RGPD6: variants seen among roughly 807,000 people sequenced by gnomAD.
RGPD6 encodes the protein RANBP2 like and GRIP domain containing 6, also known as RANBP2-like and GRIP domain-containing protein 5/6.
chr2:110,606,503 T>G, the RGPD6 span, among the ~76,000 whole-genome samples: 2 of 100,326 alleles, frequency 2.0e-5, no homozygotes, highest in East Asian at 4.8e-4. Flanking sequence ...TACTGTTGTA[T>G]GTTGATAGAC....
chr2:110,608,506 TA>T, the RGPD6 span, among the ~76,000 whole-genome samples: 1 of 140,798 alleles, frequency 7.1e-6, no homozygotes, highest in Admixed American at 7.1e-5. Context: ...AAAATTTACG[TA>T]AACCATAAAA....
chr2:110,591,633 AC>A, the RGPD6 span, among the ~76,000 whole-genome samples: 1 of 151,478 alleles, frequency 6.6e-6, no homozygotes, highest in Non-Finnish European at 1.5e-5. Context: ...ACCTAACTGC[AC>A]CCCTGTCCCC....
the RGPD6 span, among the ~76,000 whole-genome samples, chr2:110,594,030 T>C: frequency 3.4e-4 from 47 of 137,710 alleles, no homozygotes; most frequent in South Asian, 9.9e-3. Context: ...CAGTGATATA[T>C]AAAAGGATTA....
the RGPD6 span, among the ~76,000 whole-genome samples, chr2:110,606,914 T>C: frequency 6.6e-6 from 1 of 151,740 alleles, no homozygotes; most frequent in Non-Finnish European, 1.5e-5. Flanking sequence ...TTCATGTGTG[T>C]TCTTGTCTTA....
the RGPD6 span, among the ~76,000 whole-genome samples, chr2:110,594,045 C>A: frequency 5.8e-5 from 8 of 138,838 alleles, no homozygotes; most frequent in African/African-American, 2.4e-4. Context: ...GGATTATATA[C>A]CATAACCAAG....
At chr2:110,593,329 C>T in the RGPD6 span, among the ~76,000 whole-genome samples, 1 of 147,466 alleles carries the variant, frequency 6.8e-6, no homozygotes, top group African/African-American at 2.6e-5. Flanking sequence ...TGATGTCTGG[C>T]CAAGAAAGTA....
At chr2:110,599,807 C>T in the RGPD6 span, among the ~76,000 whole-genome samples, 1 of 96,862 alleles carries the variant, frequency 1.0e-5, no homozygotes, top group Admixed American at 1.0e-4. Context: ...ACCAACATAC[C>T]CTACTTCCTT....
the RGPD6 span, among the ~76,000 whole-genome samples, chr2:110,607,361 C>A: frequency 6.6e-6 from 1 of 150,994 alleles, no homozygotes; most frequent in Admixed American, 6.6e-5. Context: ...GAAATTAGGG[C>A]CATCCTTTTC....
At chr2:110,605,981 TG>T in the RGPD6 span, among the ~76,000 whole-genome samples, 1 of 151,786 alleles carries the variant, frequency 6.6e-6, no homozygotes, top group East Asian at 1.9e-4. Flanking sequence ...CAGGTATTTA[TG>T]GGTATGGCTT....
the RGPD6 span, among the ~76,000 whole-genome samples, chr2:110,605,717 T>A: frequency 6.6e-6 from 1 of 151,352 alleles, no homozygotes; most frequent in East Asian, 1.9e-4. Flanking sequence ...CTGGGCAGCA[T>A]CCTTAGGGAG....
chr2:110,596,778 T>C, the RGPD6 span, among the ~76,000 whole-genome samples: 2 of 136,036 alleles, frequency 1.5e-5, no homozygotes, highest in African/African-American at 2.8e-5. Flanking sequence ...GAAGCCTGTT[T>C]AATTAGAATT....
the RGPD6 span, among the ~76,000 whole-genome samples, chr2:110,607,040 T>C: frequency 6.6e-6 from 1 of 151,354 alleles, no homozygotes. Context: ...TAAATATTTG[T>C]TAAACGAATT....
the RGPD6 span, among the ~76,000 whole-genome samples, chr2:110,610,164 C>A: frequency 6.2e-4 from 62 of 100,580 alleles, 2 homozygotes; most frequent in African/African-American, 2.1e-3. Flanking sequence ...ACGGAGAAAC[C>A]CTCGTTTCCC....
chr2:110,607,398 G>A, the RGPD6 span, among the ~76,000 whole-genome samples: 1 of 149,058 alleles, frequency 6.7e-6, no homozygotes, highest in Non-Finnish European at 1.5e-5. Flanking sequence ...TGAAAAAGTT[G>A]AAACAGCCAT....
At chr2:110,609,884 T>C in the RGPD6 span, among the ~76,000 whole-genome samples, 9 of 117,848 alleles carry the variant, frequency 7.6e-5, no homozygotes, top group Non-Finnish European at 3.6e-5. Flanking sequence ...AAGCAGCCAA[T>C]GGGATTTTTA....
the RGPD6 span, among the ~76,000 whole-genome samples, chr2:110,589,417 A>G: frequency 6.6e-6 from 1 of 152,116 alleles, no homozygotes; most frequent in Non-Finnish European, 1.5e-5. Flanking sequence ...TGAATTCCTA[A>G]GTATTTATAT....
the RGPD6 span, among the ~76,000 whole-genome samples, chr2:110,608,998 G>A: frequency 6.5e-5 from 4 of 61,978 alleles, no homozygotes; most frequent in African/African-American, 2.1e-4. Flanking sequence ...AAGGGGGTTC[G>A]CTTTGAGTCA....
At chr2:110,604,415 A>C in the RGPD6 span, among the ~76,000 whole-genome samples, 2 of 145,718 alleles carry the variant, frequency 1.4e-5, no homozygotes, top group Non-Finnish European at 3.0e-5. Context: ...GTCATTTTAT[A>C]AGTGATTAAA....
chr2:110,606,036 C>G, the RGPD6 span, among the ~76,000 whole-genome samples: 3 of 151,736 alleles, frequency 2.0e-5, no homozygotes, highest in African/African-American at 7.3e-5. Context: ...CCTTTGACCC[C>G]TGTACAGCAG....
Sources: gnomAD v4.1 joint callset for allele counts (sites outside exome capture counted in the v4.1 genomes callset) on GRCh38, gnomAD v4.1.1 for gene constraint, MANE v1.5 for transcripts, NCBI Gene and HGNC (gene_info 2026-07-23, HGNC 2026-07-21) for gene names.